LITAF: variants seen among roughly 807,000 people sequenced by gnomAD.
LITAF encodes the protein lipopolysaccharide-induced tumor necrosis factor-alpha factor.
Under a neutral mutation model 14.5 loss-of-function variants are expected in LITAF, and 9 were observed. That is an observed-to-expected ratio of 0.62 (90% confidence interval 0.37 to 1.08). The LOEUF (loss-of-function observed/expected upper bound fraction) is 1.08. Ranked by LOEUF, LITAF falls within the 50% of genes least tolerant of loss-of-function variation. The pLI is 0.01. For missense variants in LITAF, 206 were observed against 213.4 expected (o/e 0.97, Z 0.22); for synonymous variants, 98 against 88.2 (o/e 1.11, Z -0.62).
At chr16:11,592,456 G>T (rs1447982721) in intron 1 of LITAF, among the ~76,000 whole-genome samples, 1 of 151,848 alleles carries the variant, frequency 6.6e-6, no homozygotes, top group East Asian at 2.0e-4. Context: ...GGCACCTGTG[G>T]TCCCAGCTAC....
chr16:11,580,878 C>T (rs959701256), intron 1 of LITAF, among the ~76,000 whole-genome samples: 2 of 152,210 alleles, frequency 1.3e-5, no homozygotes, highest in African/African-American at 2.4e-5. Context: ...GATCCTCTTG[C>T]CTCAGCCTCC....
chr16:11,575,962 C>T (rs928393880), intron 1 of LITAF, among the ~76,000 whole-genome samples: 6 of 152,188 alleles, frequency 3.9e-5, no homozygotes, highest in Non-Finnish European at 7.3e-5. Context: ...CTTACTACAG[C>T]CTTGAACTCC....
chr16:11,594,796 A>C (rs2064872149), intron 1 of LITAF, among the ~76,000 whole-genome samples: 1 of 152,082 alleles, frequency 6.6e-6, no homozygotes, highest in Non-Finnish European at 1.5e-5. Context: ...GAATCATTTG[A>C]ACCCAGGAGG....
rs375979032 is a variant in LITAF at position 11,556,751 on chromosome 16, A to C, written c.-5-16T>G. On this transcript the variant is annotated splice_polypyrimidine_tract_variant and intron_variant, in intron 1 of 3. Coordinates refer to ENST00000622633, the MANE Select transcript of LITAF (RefSeq NM_001136472.2). Reference sequence around the variant, plus strand: ...GACATTTTACCTAAAACAGAAACAGAACATACCAGATAAGAAATTCAGTTG... The same window carrying C: ...GACATTTTACCTAAAACAGAAACAGCACATACCAGATAAGAAATTCAGTTG... 23 of 1,597,264 alleles carry C rather than the reference A, an allele frequency of 1.4e-5. No individual in the cohort carries two copies. The African/African-American group carries it at 2.9e-4, about 20-fold the overall frequency.
At position 11,548,682 on chromosome 16, in the gene LITAF, A is replaced by G. The variant is rs983743085; in HGVS notation, c.*955T>C. 37 of 453,824 alleles carry G rather than the reference A, an allele frequency of 8.2e-5. No homozygotes were observed. In the Admixed American group the frequency reaches 8.7e-4, roughly 11 times the overall value. The allele number at this position is 453,824 out of a possible 1,614,324, so 28.1% of individuals were successfully genotyped here. ...AATGGTTTTATAAATCCTCCTCTTG[A>G]AATTATGTTCAGGCCCAGCATGGTA... On this transcript the variant is annotated 3_prime_UTR_variant, in exon 4 of 4. Transcript: ENST00000622633.
chr16:11,639,043 T>C (rs1048587230), upstream of LITAF, among the ~76,000 whole-genome samples: 1 of 152,036 alleles, frequency 6.6e-6, no homozygotes, highest in Admixed American at 6.6e-5. Context: ...CATGGGTGAA[T>C]GGTTAGGTAG....
chr16:11,571,715 C>T (rs1818340729), intron 1 of LITAF, among the ~76,000 whole-genome samples: 1 of 152,174 alleles, frequency 6.6e-6, no homozygotes, highest in African/African-American at 2.4e-5. Context: ...GGAGTGGGCC[C>T]TGTGGTCTCT....
intron 3 of LITAF, among the ~76,000 whole-genome samples, chr16:11,631,013 G>T (rs1399362408): frequency 6.6e-6 from 1 of 152,136 alleles, no homozygotes; most frequent in Non-Finnish European, 1.5e-5. Context: ...GCTTATTTTT[G>T]ATATTATTTT....
intron 1 of LITAF, among the ~76,000 whole-genome samples, chr16:11,570,848 G>A (rs1004808618): frequency 6.6e-6 from 1 of 151,990 alleles, no homozygotes; most frequent in African/African-American, 2.4e-5. Flanking sequence ...GGTCTAGGGG[G>A]TTGAGGCTGC....
At chr16:11,600,475 T>C (rs879618234), upstream of LITAF, among the ~76,000 whole-genome samples, 90 of 152,272 alleles carry the variant, frequency 5.9e-4, no homozygotes, top group Non-Finnish European at 9.9e-4. The surrounding 1 kb of genome is among the most constrained non-coding windows in gnomAD (Gnocchi z 4.1). Context: ...CAACCCCACC[T>C]CCAAGTGGGA....
chr16:11,582,470 G>C (rs992613825), intron 1 of LITAF, among the ~76,000 whole-genome samples: 1 of 152,130 alleles, frequency 6.6e-6, no homozygotes, highest in Non-Finnish European at 1.5e-5. Flanking sequence ...CCTTCAGAAA[G>C]ATAAAGCGGC....
upstream of LITAF, among the ~76,000 whole-genome samples, chr16:11,601,390 C>T (rs1168557548): frequency 6.6e-6 from 1 of 152,020 alleles, no homozygotes; most frequent in Non-Finnish European, 1.5e-5. Context: ...TTTGGGAAAT[C>T]CCAGAGGGAA....
chr16:11,580,686 C>T (rs1483919420), intron 1 of LITAF, among the ~76,000 whole-genome samples: 3 of 152,188 alleles, frequency 2.0e-5, no homozygotes, highest in Non-Finnish European at 4.4e-5. Flanking sequence ...ACAAGGCAAC[C>T]TTTGTTCACC....
In LITAF at chr16:11,556,886, T is replaced by G. The variant is rs1256348437; in HGVS notation, c.-5-151A>C. The G allele has an allele frequency of 5.5e-6, 4 of 727,470 alleles. No individual in the cohort carries two copies. The Admixed American group carries it at 8.7e-5, about 16-fold the overall frequency. 45.1% of individuals were successfully genotyped at this position (727,470 alleles called of 1,614,324 possible). ...GTCCAAAAGCTAGGAAGAGGGTTAA[T>G]GTCCCTTCAAGACCCCAGAATTAAT... On this transcript the variant is annotated intron_variant, in intron 1 of 3. Transcript: ENST00000622633.
rs372220196 is a variant in LITAF at position 11,553,559 on chromosome 16, C to G, written c.351G>C (p.Leu117=). 4 of 1,614,046 alleles carry G rather than the reference C, an allele frequency of 2.5e-6. No homozygotes were observed. Among genetic ancestry groups the G allele is most frequent in the African/African-American group, 1.3e-5 (1 of 74,942 alleles). ...CCAGCAGGCACAGGCTCCCGCAGGA[C>G]AGCCAGGTCAGAGCACCGGCGTTAT... is the stretch of plus-strand genomic sequence containing the variant. The part of the protein sequence containing the change: ...LSYNAGALTW[L]SCGSLCLLGC... The change falls in exon 3 of 4, where the codon CTG becomes CTC. Residue 117 remains leucine, a synonymous_variant. Transcript: ENST00000622633. The surrounding 1 kb of genome is among the most constrained non-coding windows in gnomAD (Gnocchi z 7.7).
chr16:11,620,167 CAAA>C (rs533195309), intron 3 of LITAF, among the ~76,000 whole-genome samples: 3 of 67,334 alleles, frequency 4.5e-5, no homozygotes, highest in Non-Finnish European at 9.5e-5. Context: ...GAGTCCGTCT[CAAA>C]AAAAAAAAAA....
chr16:11,577,141 T>A (rs2064649025), intron 1 of LITAF, among the ~76,000 whole-genome samples: 1 of 152,124 alleles, frequency 6.6e-6, no homozygotes, highest in Admixed American at 6.6e-5. Flanking sequence ...TGGACCATAT[T>A]ACGTTACTCT....
chr16:11,595,165 A>G (rs1016545050), intron 1 of LITAF, among the ~76,000 whole-genome samples: 1 of 152,102 alleles, frequency 6.6e-6, no homozygotes, highest in African/African-American at 2.4e-5. Context: ...TTTCTAAAAC[A>G]TGTTTCCCAC....
In LITAF at chr16:11,549,503, C is replaced by T. The variant is rs779874120; in HGVS notation, c.*134G>A. On this transcript the variant is annotated 3_prime_UTR_variant, in exon 4 of 4. Coordinates refer to ENST00000622633, the MANE Select transcript of LITAF (RefSeq NM_001136472.2). The surrounding 1 kb of genome is among the most constrained non-coding windows in gnomAD (Gnocchi z 4.6). ...TTGTTAGTTTTGCGACGTATTCCCC[C>T]CAAAAGAAGACATGAAGGTGGGCCC... The T allele has an allele frequency of 2.8e-6, 2 of 723,028 alleles. No individual in the cohort carries two copies. Among genetic ancestry groups the T allele is most frequent in the Non-Finnish European group, 5.0e-6 (2 of 401,834 alleles). 44.8% of individuals were successfully genotyped at this position (723,028 alleles called of 1,614,324 possible).
Sources: gnomAD v4.1 joint callset for allele counts (sites outside exome capture counted in the v4.1 genomes callset) on GRCh38, gnomAD v4.1.1 for gene constraint, Gnocchi (gnomAD v3.1) non-coding constraint, MANE v1.5 for transcripts, NCBI Gene and HGNC (gene_info 2026-07-23, HGNC 2026-07-21) for gene names.